The following MGAT4A variants were observed in gnomAD, a reference collection of about 807,000 sequenced individuals.
The protein encoded by MGAT4A is alpha-1,3-mannosyl-glycoprotein 4-beta-N-acetylglucosaminyltransferase A.
MGAT4A carries 33 observed loss-of-function variants against 74.1 expected under a neutral mutation model. That is an observed-to-expected ratio of 0.45 (90% CI 0.34 to 0.60). The LOEUF (loss-of-function observed/expected upper bound fraction) is 0.60, where lower values mean the gene tolerates loss of function less well. MGAT4A is among the 20% of genes least tolerant of loss of function. The pLI, the probability that MGAT4A is intolerant of heterozygous loss-of-function variation, is 0.02. For synonymous variants in MGAT4A, 198 were observed against 210.4 expected (o/e 0.94, Z 0.51); for missense variants, 479 against 628.3 (o/e 0.76, Z 2.54).
chr2:98,659,633 G>T (rs576418917), intron 5 of MGAT4A, among the ~76,000 whole-genome samples: 5 of 152,164 alleles, frequency 3.3e-5, no homozygotes, highest in Non-Finnish European at 4.4e-5. Flanking sequence ...AGTGAATAAG[G>T]CTTATAAGAT....
intron 2 of MGAT4A, among the ~76,000 whole-genome samples, chr2:98,709,884 A>G (rs1702493399): frequency 6.6e-6 from 1 of 152,210 alleles, no homozygotes; most frequent in Admixed American, 6.5e-5. Flanking sequence ...TCCTTTAAGT[A>G]AGAAATTCAG....
rs372659582 is a variant in MGAT4A, at chr2:98,688,287, C to A, written c.95-9816G>T. ...TATAACTCATTCTGTCTAGCAATTA[C>A]CATATGAGTCCCTCAGACTGTTTTA... On this transcript the variant is annotated intron_variant, in intron 2 of 15. Coordinates refer to ENST00000393487, the MANE Select transcript of MGAT4A (RefSeq NM_012214.3). Among the ~76,000 whole-genome samples, 16 of 152,128 alleles carry A rather than the reference C, an allele frequency of 1.1e-4. No homozygotes were observed. In the South Asian group the frequency reaches 1.5e-3, roughly 14 times the overall value.
At chr2:98,678,233 G>GAA (rs748879200) in intron 3 of MGAT4A, 71 bp downstream of exon 3, 625 of 180,352 alleles carry the variant, frequency 3.5e-3, no homozygotes, top group Non-Finnish European at 4.4e-3. Flanking sequence ...CTGTCTCAAA[G>GAA]AAAAAAAAAA....
At chr2:98,663,902 G>A (rs1224323132) in intron 4 of MGAT4A, among the ~76,000 whole-genome samples, 2 of 152,050 alleles carry the variant, frequency 1.3e-5, no homozygotes, top group African/African-American at 4.8e-5. Context: ...AGGGACACTG[G>A]GTAAGGGCAT....
intron 2 of MGAT4A, among the ~76,000 whole-genome samples, chr2:98,680,202 C>T (rs536602628): frequency 1.3e-5 from 2 of 152,196 alleles, no homozygotes; most frequent in South Asian, 4.1e-4. Flanking sequence ...CGCCACCACA[C>T]CCAGATACTT....
At chr2:98,643,863 A>C in intron 10 of MGAT4A, 60 bp downstream of exon 10, 1 of 1,390,716 alleles carries the variant, frequency 7.2e-7, no homozygotes, top group Non-Finnish European at 9.5e-7. Flanking sequence ...AATCTCTAAA[A>C]GTCACTTTCA....
intron 2 of MGAT4A, among the ~76,000 whole-genome samples, chr2:98,722,678 G>T (rs1243140900): frequency 6.6e-6 from 1 of 152,150 alleles, no homozygotes; most frequent in African/African-American, 2.4e-5. Flanking sequence ...CACTTTAAAT[G>T]GATGAATTGT....
At chr2:98,724,146 CATAT>C (rs1489921771) in intron 2 of MGAT4A, among the ~76,000 whole-genome samples, 2 of 152,020 alleles carry the variant, frequency 1.3e-5, no homozygotes, top group Non-Finnish European at 2.9e-5. Context: ...TTATTAATAG[CATAT>C]AATATAGGGC....
chr2:98,653,308 A>T (rs1307793081), intron 8 of MGAT4A, among the ~76,000 whole-genome samples: 1 of 151,128 alleles, frequency 6.6e-6, no homozygotes, highest in Non-Finnish European at 1.5e-5. Flanking sequence ...GGAGAAAAAA[A>T]AATAAAGATT....
chr2:98,638,772 T>A (rs1407683470), intron 12 of MGAT4A, among the ~76,000 whole-genome samples: 1 of 152,240 alleles, frequency 6.6e-6, no homozygotes, highest in Non-Finnish European at 1.5e-5. Context: ...CAAAAGAAAA[T>A]TAGTAACATT....
intron 14 of MGAT4A, among the ~76,000 whole-genome samples, chr2:98,629,403 G>T (rs987917936): frequency 6.6e-6 from 1 of 152,166 alleles, no homozygotes; most frequent in Admixed American, 6.5e-5. Context: ...TGCTGGACTT[G>T]GGTAGCAGGT....
intron 2 of MGAT4A, among the ~76,000 whole-genome samples, chr2:98,683,858 T>C (rs1258377305): frequency 6.6e-6 from 1 of 152,194 alleles, no homozygotes; most frequent in Non-Finnish European, 1.5e-5. Flanking sequence ...GCCCATGGAC[T>C]ATTGGATAAT....
chr2:98,714,992 T>A (rs983124453), intron 2 of MGAT4A, among the ~76,000 whole-genome samples: 1 of 152,046 alleles, frequency 6.6e-6, no homozygotes, highest in African/African-American at 2.4e-5. Context: ...ATCCATGAGT[T>A]CATACTTATG....
At chr2:98,683,045 G>A (rs942422147) in intron 2 of MGAT4A, among the ~76,000 whole-genome samples, 1 of 151,264 alleles carries the variant, frequency 6.6e-6, no homozygotes, top group African/African-American at 2.4e-5. Flanking sequence ...CCGAGATCGC[G>A]CCACTGCACT....
At chr2:98,645,297 CTTAAG>C (rs1283149195) in intron 9 of MGAT4A, 126 bp downstream of exon 9, 24 of 605,934 alleles carry the variant, frequency 4.0e-5, no homozygotes, top group Middle Eastern at 4.3e-4. Flanking sequence ...GTTTACCTAA[CTTAAG>C]TTTTCTCTAA....
intron 14 of MGAT4A, among the ~76,000 whole-genome samples, chr2:98,628,184 A>G (rs1701174782): frequency 6.6e-6 from 1 of 151,668 alleles, no homozygotes; most frequent in Non-Finnish European, 1.5e-5. Context: ...GACTATTTAC[A>G]GGGGCCAACC....
At chr2:98,722,840 T>G (rs561879173) in intron 2 of MGAT4A, among the ~76,000 whole-genome samples, 1 of 152,266 alleles carries the variant, frequency 6.6e-6, no homozygotes, top group Admixed American at 6.5e-5. Context: ...TCTGTCCCCA[T>G]GGACAGGGAC....
chr2:98,638,844 T>C (rs1272402534), intron 12 of MGAT4A, among the ~76,000 whole-genome samples: 1 of 152,238 alleles, frequency 6.6e-6, no homozygotes, highest in Non-Finnish European at 1.5e-5. Context: ...TGATTTCTGG[T>C]GGATTCTAAA....
chr2:98,623,627 A>T lies in MGAT4A; in HGVS notation c.*1939T>A, dbSNP rs1033061438. 19 of 985,206 alleles carry T rather than the reference A, an allele frequency of 1.9e-5. No individual in the cohort carries two copies. The highest frequency in any genetic ancestry group is 2.3e-5 in the Non-Finnish European group (19 of 829,836). The allele number at this position is 985,206 out of a possible 1,614,324, so 61.0% of individuals were successfully genotyped here. ...GTAAATTTAAAACATCCTAATAAAAAAATTTCAACTGGCCTTTAACTGACA... is the reference window on the plus strand; with the variant it reads ...GTAAATTTAAAACATCCTAATAAAATAATTTCAACTGGCCTTTAACTGACA... On this transcript the variant is annotated 3_prime_UTR_variant, in exon 16 of 16. Coordinates refer to ENST00000393487, the MANE Select transcript of MGAT4A (RefSeq NM_012214.3).
Sources: allele counts gnomAD v4.1 joint callset (sites outside exome capture counted in the v4.1 genomes callset), GRCh38; gene constraint gnomAD v4.1.1; transcripts MANE v1.5; gene names NCBI Gene and HGNC (gene_info 2026-07-23, HGNC 2026-07-21).